RNF111: variants seen among roughly 807,000 people sequenced by gnomAD.
RNF111 encodes E3 ubiquitin-protein ligase Arkadia.
Under a neutral mutation model 95.1 loss-of-function variants are expected in RNF111, and 17 were observed. That is an observed-to-expected ratio of 0.18 (90% CI 0.12 to 0.27). The LOEUF (loss-of-function observed/expected upper bound fraction) is 0.27. Ranked by LOEUF, RNF111 falls within the 10% of genes least tolerant of loss-of-function variation. The probability of loss-of-function intolerance (pLI) is 1.00; values close to 1 mark genes in which losing one functional copy is unlikely to be tolerated. For synonymous variants in RNF111, 440 were observed against 414.8 expected, an observed-to-expected ratio of 1.06 and a Z score of -0.74; for missense variants, 1,189 against 1,210.4, an observed-to-expected ratio of 0.98 and a Z score of 0.26.
At chr15:59,094,732 T>C (rs376220625) in intron 13 of RNF111, 51 bp from the exon 14 acceptor site, 7 of 995,386 alleles carry the variant, frequency 7.0e-6, no homozygotes, top group Admixed American at 3.4e-5. Flanking sequence ...GTTAACTACG[T>C]ACAATTATCA....
At chr15:59,045,281 C>T (rs2041654364) in intron 2 of RNF111, among the ~76,000 whole-genome samples, 1 of 151,538 alleles carries the variant, frequency 6.6e-6, no homozygotes, top group South Asian at 2.1e-4. Flanking sequence ...ACCTCTGCCT[C>T]CCAGGTTCAA....
chr15:59,049,435 AGGCTCCT>A (rs1467181092), intron 2 of RNF111: 3 of 190,294 alleles, frequency 1.6e-5, no homozygotes, highest in Non-Finnish European at 3.1e-5. Context: ...CCAGCAGTTC[AGGCTCCT>A]GTCCATTGGT....
At chr15:59,027,195 A>G (rs1351392172) in intron 1 of RNF111, among the ~76,000 whole-genome samples, 1 of 152,114 alleles carries the variant, frequency 6.6e-6, no homozygotes, top group Non-Finnish European at 1.5e-5. Flanking sequence ...GAGGAGTCTA[A>G]TTTTTAAATC....
chr15:59,083,046 G>C (rs1269284233), intron 8 of RNF111, among the ~76,000 whole-genome samples: 2 of 152,026 alleles, frequency 1.3e-5, no homozygotes, highest in East Asian at 3.8e-4. Context: ...CTACTCAGGT[G>C]GCTGAGGTGG....
chr15:59,073,059 C>A (rs1278750421), intron 6 of RNF111, among the ~76,000 whole-genome samples: 1 of 152,040 alleles, frequency 6.6e-6, no homozygotes, highest in Non-Finnish European at 1.5e-5. Context: ...GTGGTCCTAG[C>A]TACTTGGGAG....
intron 2 of RNF111, among the ~76,000 whole-genome samples, chr15:59,041,085 A>G (rs2041426161): frequency 1.3e-5 from 2 of 152,142 alleles, no homozygotes; most frequent in Admixed American, 1.3e-4. Flanking sequence ...TGGGGTATAC[A>G]GAGATACTGT....
At chr15:59,091,716 G>A (rs567817886) in intron 12 of RNF111, among the ~76,000 whole-genome samples, 18 of 152,020 alleles carry the variant, frequency 1.2e-4, no homozygotes, top group Admixed American at 2.0e-4. Flanking sequence ...CAATACCAAC[G>A]GTCCCCAACC....
chr15:59,052,486 A>G (rs2042029969), intron 3 of RNF111, 55 bp downstream of exon 3: 7 of 1,286,016 alleles, frequency 5.4e-6, no homozygotes, highest in Non-Finnish European at 7.2e-6. Flanking sequence ...AATATTAAAC[A>G]TATTTGTGCT....
chr15:59,023,792 T>C (rs781713906), intron 1 of RNF111, among the ~76,000 whole-genome samples: 2 of 152,176 alleles, frequency 1.3e-5, no homozygotes, highest in South Asian at 2.1e-4. Flanking sequence ...TCAGTTTTTT[T>C]CCCCCTGAAT....
intron 1 of RNF111, among the ~76,000 whole-genome samples, chr15:59,028,338 A>G (rs1188930443): frequency 6.6e-6 from 1 of 151,982 alleles, no homozygotes; most frequent in East Asian, 1.9e-4. Flanking sequence ...TCCAAGGGGA[A>G]ACCATTCTGA....
chr15:59,019,082 C>G (rs900996806), intron 1 of RNF111, among the ~76,000 whole-genome samples: 1 of 149,996 alleles, frequency 6.7e-6, no homozygotes, highest in East Asian at 2.0e-4. Flanking sequence ...TGCCACCACC[C>G]TGGCTAATTT....
intron 7 of RNF111, 111 bp downstream of exon 7, chr15:59,076,326 G>A (rs768404353): frequency 2.9e-5 from 36 of 1,261,118 alleles, no homozygotes; most frequent in Non-Finnish European, 3.8e-5. Flanking sequence ...GTATTTACTT[G>A]GCTTAAGAGT....
At chr15:58,994,001 A>G (rs1258899061) in intron 1 of RNF111, among the ~76,000 whole-genome samples, 3 of 127,954 alleles carry the variant, frequency 2.3e-5, no homozygotes, top group Non-Finnish European at 5.2e-5. Flanking sequence ...TTATTTTACT[A>G]TCTTTTGACA....
At chr15:59,006,020 G>T (rs1031055391) in intron 1 of RNF111, among the ~76,000 whole-genome samples, 1 of 152,250 alleles carries the variant, frequency 6.6e-6, no homozygotes, top group Middle Eastern at 3.4e-3. Flanking sequence ...CACTATTTCT[G>T]TATTTCCTTC....
intron 1 of RNF111, among the ~76,000 whole-genome samples, chr15:59,020,335 A>T (rs1477291272): frequency 6.6e-6 from 1 of 151,752 alleles, no homozygotes; most frequent in African/African-American, 2.4e-5. Flanking sequence ...TTTATGTCTT[A>T]TTTAGTATAC....
At chr15:58,989,943 C>G (rs2038738616) in intron 1 of RNF111, among the ~76,000 whole-genome samples, 1 of 151,658 alleles carries the variant, frequency 6.6e-6, no homozygotes, top group Non-Finnish European at 1.5e-5. Flanking sequence ...ACTTATGTGC[C>G]CTTCTTTTGA....
At chr15:59,034,573 G>A (rs2041078851) in intron 2 of RNF111, among the ~76,000 whole-genome samples, 1 of 152,028 alleles carries the variant, frequency 6.6e-6, no homozygotes, top group African/African-American at 2.4e-5. Context: ...AAATCAGTTT[G>A]GAATGATTTT....
In RNF111 at chr15:59,031,107, C is replaced by T. The variant is rs2040882239; in HGVS notation, c.285C>T (p.Arg95=). The change falls in exon 2 of 14, where the codon CGC becomes CGT. Residue 95 remains arginine, a synonymous_variant. Coordinates refer to ENST00000348370, the MANE Select transcript of RNF111 (RefSeq NM_017610.8). The stretch of plus-strand genomic sequence containing the variant: ...AAAGTCTCGTTGTGAGGAAAAAACG[C>T]AAAAGCCAGCAGGCTGGCCCTTCGT... ...QEKSLVVRKK[R]KSQQAGPSYV... The T allele has an allele frequency of 2.5e-6, 4 of 1,614,070 alleles. No individual in the cohort carries two copies. Among genetic ancestry groups the T allele is most frequent in the South Asian group, 2.2e-5 (2 of 91,086 alleles).
intron 1 of RNF111, among the ~76,000 whole-genome samples, chr15:58,992,619 A>T: frequency 6.6e-6 from 1 of 151,884 alleles, no homozygotes; most frequent in South Asian, 2.1e-4. Context: ...GGAGTTTGAG[A>T]CTAGGCTGGG....
Sources: allele counts gnomAD v4.1 joint callset (sites outside exome capture counted in the v4.1 genomes callset), GRCh38; gene constraint gnomAD v4.1.1; transcripts MANE v1.5; gene names NCBI Gene and HGNC (gene_info 2026-07-23, HGNC 2026-07-21).